The following CSMD1 variants were observed in gnomAD, a reference collection of about 807,000 sequenced individuals.
The protein encoded by CSMD1 is CUB and Sushi multiple domains 1, also known as CUB and sushi domain-containing protein 1.
In CSMD1, 213 loss-of-function variants were observed where a neutral mutation model predicts 417.5. That is an observed-to-expected ratio of 0.51 (90% CI 0.46 to 0.57). The LOEUF is 0.57. Among genes scored for constraint, CSMD1 ranks in the 20% least tolerant of loss-of-function variants. The probability of loss-of-function intolerance (pLI) is 0.00; values close to 1 mark genes in which losing one functional copy is unlikely to be tolerated. For synonymous variants in CSMD1, 2,862 were observed against 1,736.8 expected, an observed-to-expected ratio of 1.65 and a Z score of -16.11; for missense variants, 6,923 against 4,529.7, an observed-to-expected ratio of 1.53 and a Z score of -15.17.
chr8:3,241,721 G>A (rs1052487875), intron 26 of CSMD1, among the ~76,000 whole-genome samples: 17 of 152,160 alleles, frequency 1.1e-4, no homozygotes, highest in South Asian at 4.1e-4. Context: ...ACGCCTGGCC[G>A]CTGCGGTTCA....
At chr8:4,027,457 T>G (rs2554574) in intron 4 of CSMD1, among the ~76,000 whole-genome samples, 1 of 151,822 alleles carries the variant, frequency 6.6e-6, no homozygotes, top group Admixed American at 6.6e-5. Flanking sequence ...ATGCTGTTCT[T>G]GTGACAGTGG....
chr8:3,468,896 T>C, intron 11 of CSMD1, 72 bp from the exon 12 acceptor site: 1 of 1,000,024 alleles, frequency 1.0e-6, no homozygotes, highest in South Asian at 1.4e-5. Flanking sequence ...GAAAGGAGGG[T>C]CTTGCTGCTT....
At chr8:3,980,863 T>G (rs1039670358) in intron 5 of CSMD1, among the ~76,000 whole-genome samples, 22 of 152,192 alleles carry the variant, frequency 1.4e-4, no homozygotes, top group Admixed American at 1.4e-3. Flanking sequence ...TCCTTTCAAG[T>G]TGGGAATGAA....
chr8:3,745,459 G>T (rs760624097), intron 6 of CSMD1, among the ~76,000 whole-genome samples: 22 of 152,204 alleles, frequency 1.4e-4, no homozygotes, highest in East Asian at 3.9e-4. Flanking sequence ...CCAACTTGAC[G>T]TAATCTGAGA....
intron 1 of CSMD1, among the ~76,000 whole-genome samples, chr8:4,754,830 C>G (rs11774640): frequency 6.7e-6 from 1 of 149,412 alleles, no homozygotes; most frequent in African/African-American, 2.5e-5. Flanking sequence ...GCCTGGGTGA[C>G]GGAGCAAGAC....
chr8:4,968,974 C>A (rs1054027444), intron 1 of CSMD1, among the ~76,000 whole-genome samples: 8 of 152,124 alleles, frequency 5.3e-5, no homozygotes, highest in Non-Finnish European at 1.0e-4. Flanking sequence ...AGCCCCTGTG[C>A]TTTTGCACAT....
At chr8:4,155,460 G>A (rs915749822) in intron 3 of CSMD1, among the ~76,000 whole-genome samples, 1 of 152,130 alleles carries the variant, frequency 6.6e-6, no homozygotes, top group Non-Finnish European at 1.5e-5. Flanking sequence ...TGAAAATATG[G>A]TAAGTATGTG....
intron 3 of CSMD1, among the ~76,000 whole-genome samples, chr8:4,119,864 A>G (rs535030466): frequency 6.6e-6 from 1 of 152,340 alleles, no homozygotes; most frequent in African/African-American, 2.4e-5. Flanking sequence ...GACACATCTG[A>G]AAGGGTTCGA....
chr8:4,319,958 A>AT (rs1799174365), intron 3 of CSMD1, among the ~76,000 whole-genome samples: 1 of 152,148 alleles, frequency 6.6e-6, no homozygotes, highest in African/African-American at 2.4e-5. Flanking sequence ...CAATGTTTGG[A>AT]TTTTTACAGG....
chr8:4,259,717 T>C (rs1803737353), intron 3 of CSMD1, among the ~76,000 whole-genome samples: 1 of 152,066 alleles, frequency 6.6e-6, no homozygotes, highest in African/African-American at 2.4e-5. Context: ...TCAATAATTT[T>C]GCCACAAATA....
intron 23 of CSMD1, among the ~76,000 whole-genome samples, chr8:3,332,603 T>C (rs1253428934): frequency 6.6e-6 from 1 of 152,262 alleles, no homozygotes; most frequent in East Asian, 1.9e-4. Flanking sequence ...TAAAAGTACA[T>C]GTAAGCAATG....
chr8:3,785,032 A>C (rs1799376519), intron 5 of CSMD1, among the ~76,000 whole-genome samples: 1 of 152,178 alleles, frequency 6.6e-6, no homozygotes, highest in South Asian at 2.1e-4. Context: ...GAGGGAGGGA[A>C]TAGAGATAGA....
intron 42 of CSMD1, among the ~76,000 whole-genome samples, chr8:3,113,956 A>C (rs2129017212): frequency 6.6e-6 from 1 of 152,310 alleles, no homozygotes; most frequent in Non-Finnish European, 1.5e-5. Flanking sequence ...TATGGCTCAT[A>C]GCTGTAATTC....
chr8:3,760,834 G>A (rs1051014048), intron 5 of CSMD1, among the ~76,000 whole-genome samples: 2 of 152,174 alleles, frequency 1.3e-5, no homozygotes, highest in Non-Finnish European at 1.5e-5. Context: ...AAGCATTACT[G>A]CTATTGGGAG....
intron 18 of CSMD1, among the ~76,000 whole-genome samples, chr8:3,385,358 C>G (rs569706823): frequency 1.8e-4 from 27 of 148,924 alleles, no homozygotes; most frequent in African/African-American, 6.4e-4. Context: ...TGTGTTTTAC[C>G]CTACATGTTT....
intron 26 of CSMD1, among the ~76,000 whole-genome samples, chr8:3,270,662 A>G (rs1031756081): frequency 6.6e-6 from 1 of 152,208 alleles, no homozygotes; most frequent in Non-Finnish European, 1.5e-5. Flanking sequence ...CTACAGTATC[A>G]AGTACTTCTG....
chr8:4,361,557 T>C (rs1019781959), intron 3 of CSMD1, among the ~76,000 whole-genome samples: 4 of 152,194 alleles, frequency 2.6e-5, no homozygotes, highest in African/African-American at 9.6e-5. Context: ...TAAAAAGTCG[T>C]AGAGTTCAAG....
chr8:4,621,432 T>C (rs936144018), intron 2 of CSMD1, among the ~76,000 whole-genome samples: 1 of 152,112 alleles, frequency 6.6e-6, no homozygotes, highest in Non-Finnish European at 1.5e-5. Context: ...TTAATAACTG[T>C]ACCTACACAT....
intron 3 of CSMD1, among the ~76,000 whole-genome samples, chr8:4,159,938 G>A (rs1227538817): frequency 6.6e-6 from 1 of 152,088 alleles, no homozygotes; most frequent in Non-Finnish European, 1.5e-5. Context: ...GGGCCTTGAG[G>A]GGAAAGGGTG....
Sources: gnomAD v4.1 joint callset for allele counts (sites outside exome capture counted in the v4.1 genomes callset) on GRCh38, gnomAD v4.1.1 for gene constraint, MANE v1.5 for transcripts, NCBI Gene and HGNC (gene_info 2026-07-23, HGNC 2026-07-21) for gene names.